ITGB5: variants seen among roughly 807,000 people sequenced by gnomAD.
ITGB5 encodes the protein integrin subunit beta 5.
Under a neutral mutation model 84.8 loss-of-function variants are expected in ITGB5, and 38 were observed. The ratio of observed to expected loss-of-function variants is 0.45; its 90% confidence interval spans 0.35 to 0.59. The LOEUF (loss-of-function observed/expected upper bound fraction) is 0.59, where lower values mean the gene tolerates loss of function less well. Ranked by LOEUF, ITGB5 falls within the 20% of genes least tolerant of loss-of-function variation. The pLI is 0.01. For synonymous variants in ITGB5, 393 were observed against 414.4 expected (o/e 0.95, Z 0.63); for missense variants, 905 against 1,034.5 (o/e 0.87, Z 1.72).
intron 9 of ITGB5, among the ~76,000 whole-genome samples, chr3:124,800,215 G>A (rs764099009): frequency 1.6e-4 from 24 of 152,128 alleles, no homozygotes; most frequent in Non-Finnish European, 3.4e-4. Flanking sequence ...GCTCCACAGA[G>A]GCATCTGCGG....
intron 11 of ITGB5, chr3:124,769,980 G>A (rs773750492): frequency 2.0e-5 from 3 of 152,212 alleles, no homozygotes; most frequent in African/African-American, 7.2e-5. Context: ...TAACTACAAC[G>A]TTCAATTAAA....
intron 9 of ITGB5, among the ~76,000 whole-genome samples, chr3:124,800,305 T>C (rs2064296891): frequency 6.6e-6 from 1 of 152,012 alleles, no homozygotes; most frequent in African/African-American, 2.4e-5. Context: ...CTGTGGGGAG[T>C]ACACACCTGT....
chr3:124,887,427 T>A (rs1934879085), upstream of ITGB5: 1 of 159,328 alleles, frequency 6.3e-6, no homozygotes, highest in Non-Finnish European at 1.4e-5. Context: ...TTTCCTCCTC[T>A]CCTTTCTCCT....
intron 10 of ITGB5, among the ~76,000 whole-genome samples, chr3:124,788,281 C>T (rs984416437): frequency 2.6e-5 from 4 of 152,142 alleles, no homozygotes; most frequent in African/African-American, 7.2e-5. Flanking sequence ...CCTGTTGGTT[C>T]CTCACAACTC....
intron 1 of ITGB5, among the ~76,000 whole-genome samples, chr3:124,877,073 T>C (rs1256033399): frequency 6.6e-6 from 1 of 151,786 alleles, no homozygotes; most frequent in East Asian, 1.9e-4. Flanking sequence ...TAGCCTCAAG[T>C]GATCCTCCCA....
chr3:124,806,207 C>G (rs2064399610), intron 9 of ITGB5, among the ~76,000 whole-genome samples: 2 of 152,154 alleles, frequency 1.3e-5, no homozygotes, highest in African/African-American at 4.8e-5. Context: ...TTGTCAAGAG[C>G]CTTCCTGAAA....
In ITGB5 at chr3:124,763,469, G is replaced by C; in HGVS notation, c.*154C>G. The C allele has an allele frequency of 1.8e-6, 1 of 566,652 alleles. No homozygotes were observed. The highest frequency in any genetic ancestry group is 3.2e-6 in the Non-Finnish European group (1 of 313,852). 35.1% of individuals were successfully genotyped at this position (566,652 alleles called of 1,614,324 possible). A position where few individuals can be genotyped will look rare whatever the true frequency, so the allele number is the denominator to read the frequency against. ...AGGTGACATGGCCAGGCACCTTCCTGTACAGGCACTGTGGGCTCCTGGCCC... is the reference window on the plus strand; with the variant it reads ...AGGTGACATGGCCAGGCACCTTCCTCTACAGGCACTGTGGGCTCCTGGCCC... On this transcript the variant is annotated 3_prime_UTR_variant, in exon 15 of 15. Coordinates refer to ENST00000296181, the MANE Select transcript of ITGB5 (RefSeq NM_002213.5).
chr3:124,790,967 T>C (rs928841634), intron 10 of ITGB5, among the ~76,000 whole-genome samples: 4 of 152,188 alleles, frequency 2.6e-5, no homozygotes, highest in Admixed American at 2.0e-4. Flanking sequence ...TAGCAAAGGA[T>C]TCAATGTACT....
intron 9 of ITGB5, among the ~76,000 whole-genome samples, chr3:124,800,472 C>G (rs2064299088): frequency 6.6e-6 from 1 of 152,204 alleles, no homozygotes; most frequent in East Asian, 1.9e-4. Context: ...TGTAGAAACA[C>G]TTGGGCACTG....
intron 1 of ITGB5, among the ~76,000 whole-genome samples, chr3:124,885,170 T>C (rs1035612800): frequency 2.6e-5 from 4 of 152,008 alleles, no homozygotes; most frequent in African/African-American, 7.3e-5. Context: ...CTTGGGAGGC[T>C]AAGCCAGGAG....
intron 2 of ITGB5, among the ~76,000 whole-genome samples, chr3:124,868,067 G>C (rs2065418961): frequency 6.6e-6 from 1 of 152,112 alleles, no homozygotes; most frequent in Admixed American, 6.5e-5. Context: ...TTCCCCCTTT[G>C]CTCAGCACTT....
intron 2 of ITGB5, among the ~76,000 whole-genome samples, chr3:124,871,821 G>A (rs1934066090): frequency 6.6e-6 from 1 of 150,948 alleles, no homozygotes; most frequent in Admixed American, 6.6e-5. Flanking sequence ...GCAAGATCCT[G>A]TCTCAAAAAA....
intron 1 of ITGB5, among the ~76,000 whole-genome samples, chr3:124,898,902 C>T (rs574496236): frequency 6.6e-6 from 1 of 151,434 alleles, no homozygotes; most frequent in South Asian, 2.1e-4. Context: ...GTGGTGAAAC[C>T]CTGTCTCTAC....
chr3:124,789,382 CAG>C (rs1311787856), intron 10 of ITGB5, among the ~76,000 whole-genome samples: 1 of 149,756 alleles, frequency 6.7e-6, no homozygotes, highest in African/African-American at 2.5e-5. Flanking sequence ...ACAGGGTTAA[CAG>C]AACCGCCTCT....
intron 2 of ITGB5, among the ~76,000 whole-genome samples, chr3:124,869,074 C>G (rs915532215): frequency 3.3e-5 from 5 of 152,150 alleles, no homozygotes; most frequent in African/African-American, 1.2e-4. Flanking sequence ...TTCATGGGAT[C>G]TGGAGCAGGA....
chr3:124,842,733 A>T (rs764803838), intron 4 of ITGB5, among the ~76,000 whole-genome samples: 2 of 152,238 alleles, frequency 1.3e-5, no homozygotes, highest in Non-Finnish European at 2.9e-5. Context: ...AGCTGCATAC[A>T]TGGGAAAGAA....
chr3:124,898,670 A>AAAAAAAAAAAAAAAAAAT (rs1935159604), intron 1 of ITGB5, among the ~76,000 whole-genome samples: 1 of 146,256 alleles, frequency 6.8e-6, no homozygotes, highest in African/African-American at 2.5e-5. Context: ...AAAAAAAAAA[A>AAAAAAAAAAAAAAAAAAT]GAAAATGACA....
At chr3:124,869,727 G>C (rs941812100) in intron 2 of ITGB5, among the ~76,000 whole-genome samples, 3 of 152,198 alleles carry the variant, frequency 2.0e-5, no homozygotes, top group African/African-American at 7.2e-5. Flanking sequence ...TAAGAATGAG[G>C]CTCCTGATGA....
At chr3:124,804,946 C>G (rs966421136) in intron 9 of ITGB5, among the ~76,000 whole-genome samples, 1 of 152,118 alleles carries the variant, frequency 6.6e-6, no homozygotes, top group Non-Finnish European at 1.5e-5. Context: ...GAATTACAGG[C>G]GTGAGCCACC....
Sources: gnomAD v4.1 joint callset for allele counts (sites outside exome capture counted in the v4.1 genomes callset) on GRCh38, gnomAD v4.1.1 for gene constraint, MANE v1.5 for transcripts, NCBI Gene and HGNC (gene_info 2026-07-23, HGNC 2026-07-21) for gene names.